COG5: variants seen among roughly 807,000 people sequenced by gnomAD.
The protein encoded by COG5 is component of oligomeric golgi complex 5, also known as conserved oligomeric Golgi complex subunit 5.
In COG5, 86 loss-of-function variants were observed where a neutral mutation model predicts 110.4. That is an observed-to-expected ratio of 0.78 (90% CI 0.65 to 0.93). The LOEUF (loss-of-function observed/expected upper bound fraction) is 0.93. Ranked by LOEUF, COG5 falls within the 40% of genes least tolerant of loss-of-function variation. COG5 has a pLI of 0.00. For missense variants in COG5, 1,077 were observed against 987.0 expected, an observed-to-expected ratio of 1.09 and a Z score of -1.22; for synonymous variants, 360 against 334.6, an observed-to-expected ratio of 1.08 and a Z score of -0.83.
chr7:107,547,659 G>A (rs898542841), intron 5 of COG5, among the ~76,000 whole-genome samples: 90 of 152,186 alleles, frequency 5.9e-4, no homozygotes, highest in African/African-American at 2.1e-3. Context: ...AAGAGTGCTA[G>A]AATAAATGCA....
intron 5 of COG5, among the ~76,000 whole-genome samples, chr7:107,534,820 T>C (rs1401392923): frequency 1.3e-5 from 2 of 151,570 alleles, no homozygotes; most frequent in Admixed American, 1.3e-4. Flanking sequence ...CAAGCAGACC[T>C]AATAGACATC....
intron 10 of COG5, among the ~76,000 whole-genome samples, chr7:107,360,165 C>G (rs914345845): frequency 6.6e-6 from 1 of 152,216 alleles, no homozygotes; most frequent in Non-Finnish European, 1.5e-5. Flanking sequence ...CTCCTCTACA[C>G]TGAGGGCTGC....
At chr7:107,322,925 C>A (rs1010543091) in intron 11 of COG5, among the ~76,000 whole-genome samples, 1 of 152,104 alleles carries the variant, frequency 6.6e-6, no homozygotes, top group East Asian at 1.9e-4. Flanking sequence ...ATGGAAGAAT[C>A]TTAATTATGC....
At chr7:107,543,867 A>G (rs1425436314) in intron 5 of COG5, among the ~76,000 whole-genome samples, 2 of 152,046 alleles carry the variant, frequency 1.3e-5, no homozygotes, top group African/African-American at 4.8e-5. Flanking sequence ...GGTCCATCCC[A>G]GCAGAACCTG....
At chr7:107,528,542 T>C (rs900217407) in intron 5 of COG5, among the ~76,000 whole-genome samples, 4 of 152,210 alleles carry the variant, frequency 2.6e-5, no homozygotes, top group African/African-American at 9.6e-5. Flanking sequence ...TAGGACACTT[T>C]ATTACAGAAG....
chr7:107,340,655 C>T (rs1053327242), intron 10 of COG5, among the ~76,000 whole-genome samples: 1 of 152,050 alleles, frequency 6.6e-6, no homozygotes, highest in Admixed American at 6.6e-5. Flanking sequence ...AAATGGAATC[C>T]AACAGCACAT....
intron 6 of COG5, among the ~76,000 whole-genome samples, chr7:107,421,774 A>G (rs940850305): frequency 6.6e-6 from 1 of 152,108 alleles, no homozygotes; most frequent in Non-Finnish European, 1.5e-5. Flanking sequence ...TCAAAAAAAA[A>G]AAAAAATTGT....
At chr7:107,227,645 G>A (rs976406162) in intron 19 of COG5, among the ~76,000 whole-genome samples, 9 of 150,662 alleles carry the variant, frequency 6.0e-5, no homozygotes, top group Non-Finnish European at 1.3e-4. Flanking sequence ...CTTTAAGAGT[G>A]CTTACATGAA....
At chr7:107,294,363 C>T (rs1159951323) in intron 12 of COG5, among the ~76,000 whole-genome samples, 2 of 152,158 alleles carry the variant, frequency 1.3e-5, no homozygotes, top group African/African-American at 4.8e-5. Context: ...AAATTACCAC[C>T]TCATCTGCTC....
rs1398127584 is a variant in COG5 at position 107,558,132 on chromosome 7, A to T, written c.95-17T>A. 1 of 1,612,876 alleles carries T rather than the reference A, an allele frequency of 6.2e-7. No homozygotes were observed. The highest frequency in any genetic ancestry group is 1.1e-5 in the South Asian group (1 of 90,984). ...TATAACACCCTGGATTGGGGAAAAA[A>T]TAAGGAAAAGTCCTTAATTACCCTG... On this transcript the variant is annotated splice_polypyrimidine_tract_variant and intron_variant, in intron 1 of 21. Coordinates refer to ENST00000297135, the MANE Select transcript of COG5 (RefSeq NM_006348.5).
At chr7:107,258,232 A>G (rs1803031433) in intron 15 of COG5, 41 bp downstream of exon 15, 5 of 1,210,518 alleles carry the variant, frequency 4.1e-6, no homozygotes, top group Admixed American at 1.7e-5. Flanking sequence ...AGGCAAGAAG[A>G]ATTTAAAATT....
chr7:107,346,423 T>G (rs1811603956), intron 10 of COG5, among the ~76,000 whole-genome samples: 1 of 152,232 alleles, frequency 6.6e-6, no homozygotes, highest in East Asian at 1.9e-4. Flanking sequence ...TAGGTCACTT[T>G]GTTCAACTTT....
At chr7:107,250,231 A>G (rs1221731086) in intron 16 of COG5, among the ~76,000 whole-genome samples, 1 of 152,116 alleles carries the variant, frequency 6.6e-6, no homozygotes, top group Non-Finnish European at 1.5e-5. Context: ...AGAGCCAGAG[A>G]AGACCGCCTA....
chr7:107,285,507 T>C (rs1046710822), intron 12 of COG5, among the ~76,000 whole-genome samples: 1 of 152,184 alleles, frequency 6.6e-6, no homozygotes, highest in Non-Finnish European at 1.5e-5. Context: ...AATAACCTTT[T>C]TTGGCTTTAC....
chr7:107,537,360 C>T (rs988557366), intron 5 of COG5, among the ~76,000 whole-genome samples: 1 of 152,094 alleles, frequency 6.6e-6, no homozygotes, highest in African/African-American at 2.4e-5. Flanking sequence ...CAACGTTAGA[C>T]TGGATAAAGA....
intron 14 of COG5, among the ~76,000 whole-genome samples, chr7:107,267,577 T>C (rs1385802159): frequency 6.6e-6 from 1 of 152,240 alleles, no homozygotes; most frequent in African/African-American, 2.4e-5. Flanking sequence ...ATCCTTCATA[T>C]CTACATGAAA....
chr7:107,366,247 T>C (rs1444332435), intron 8 of COG5, among the ~76,000 whole-genome samples: 3 of 151,816 alleles, frequency 2.0e-5, no homozygotes, highest in Non-Finnish European at 2.9e-5. Context: ...GAGGAAATAA[T>C]ACAAAATGAA....
rs910059960 is a variant in COG5 at position 107,269,291 on chromosome 7, C to T, written c.1576-10908G>A. Among the ~76,000 whole-genome samples the T allele has an allele frequency of 3.3e-5, 5 of 151,920 alleles. No individual in the cohort carries two copies. In the East Asian group the frequency reaches 5.8e-4, roughly 18 times the overall value. Reference sequence around the variant, plus strand: ...AAGATTGAGACCATCCTGGCTAACTCGGTGATACCCCGTCTCTACTAAAAA... The same window carrying T: ...AAGATTGAGACCATCCTGGCTAACTTGGTGATACCCCGTCTCTACTAAAAA... On this transcript the variant is annotated intron_variant, in intron 14 of 21. Transcript: ENST00000297135.
intron 2 of COG5, among the ~76,000 whole-genome samples, chr7:107,556,017 G>GAA (rs796585809): frequency 4.8e-5 from 5 of 105,062 alleles, no homozygotes; most frequent in Non-Finnish European, 6.2e-5. Context: ...CTGTCTCAAA[G>GAA]AAAAAAAAAA....
Sources: gnomAD v4.1 joint callset for allele counts (sites outside exome capture counted in the v4.1 genomes callset) on GRCh38, gnomAD v4.1.1 for gene constraint, MANE v1.5 for transcripts, NCBI Gene and HGNC (gene_info 2026-07-23, HGNC 2026-07-21) for gene names.